The following ANO3 variants were observed in gnomAD, a reference collection of about 807,000 sequenced individuals.
ANO3 encodes the protein anoctamin 3, also known as anoctamin-3.
In ANO3, 99 loss-of-function variants were observed where a neutral mutation model predicts 144.8. That is an observed-to-expected ratio of 0.68 (90% CI 0.58 to 0.81). The LOEUF (loss-of-function observed/expected upper bound fraction) is 0.81. ANO3 is among the 30% of genes least tolerant of loss of function. The pLI is 0.00. For missense variants in ANO3, 905 were observed against 1,202.2 expected, an observed-to-expected ratio of 0.75 and a Z score of 3.66; for synonymous variants, 414 against 392.6, an observed-to-expected ratio of 1.05 and a Z score of -0.64.
intron 1 of ANO3, among the ~76,000 whole-genome samples, chr11:26,326,432 C>T (rs778355759): frequency 7.2e-5 from 11 of 152,142 alleles, no homozygotes; most frequent in Non-Finnish European, 1.0e-4. Flanking sequence ...TATCTATGCA[C>T]GTACTTTTTT....
At chr11:26,329,327 CAGAGAGAG>C (rs10573538), upstream of ANO3, among the ~76,000 whole-genome samples, 585 of 110,434 alleles carry the variant, frequency 5.3e-3, 3 homozygotes, top group African/African-American at 0.018. Context: ...CACACACACA[CAGAGAGAG>C]AGAGAGAGAG....
intron 1 of ANO3, among the ~76,000 whole-genome samples, chr11:26,272,499 A>G (rs1364128270): frequency 6.6e-6 from 1 of 152,124 alleles, no homozygotes; most frequent in Non-Finnish European, 1.5e-5. Context: ...ATACCTATAG[A>G]CTCTAATATG....
upstream of ANO3, among the ~76,000 whole-genome samples, chr11:26,307,022 C>T (rs1244180845): frequency 1.3e-5 from 2 of 152,010 alleles, no homozygotes; most frequent in Non-Finnish European, 2.9e-5. Context: ...CAATCTTCTA[C>T]ACATAAATGT....
chr11:26,269,609 T>C (rs66466372), intron 1 of ANO3, among the ~76,000 whole-genome samples: 6,725 of 152,254 alleles, frequency 0.044, 192 homozygotes, highest in African/African-American at 0.082. Flanking sequence ...GGACCTGCTG[T>C]CTTAATTGGC....
At chr11:26,218,158 T>G (rs1450743169) in intron 1 of ANO3, among the ~76,000 whole-genome samples, 1 of 152,120 alleles carries the variant, frequency 6.6e-6, no homozygotes, top group Non-Finnish European at 1.5e-5. Flanking sequence ...GAAATACAGT[T>G]TATGAAGTTG....
intron 1 of ANO3, among the ~76,000 whole-genome samples, chr11:26,288,401 G>A (rs547138701): frequency 6.6e-6 from 1 of 152,272 alleles, no homozygotes; most frequent in African/African-American, 2.4e-5. Context: ...CCTTGTTGTT[G>A]TTGTTTTAAG....
At chr11:26,319,132 A>G (rs911369073) in intron 1 of ANO3, among the ~76,000 whole-genome samples, 2 of 142,726 alleles carry the variant, frequency 1.4e-5, no homozygotes, top group Non-Finnish European at 3.0e-5. Flanking sequence ...GTGTGCCACT[A>G]CTTCCAGATA....
chr11:26,243,150 C>G (rs1232552794), intron 1 of ANO3, among the ~76,000 whole-genome samples: 1 of 152,028 alleles, frequency 6.6e-6, no homozygotes, highest in Non-Finnish European at 1.5e-5. Context: ...AGGGATATGG[C>G]CAGTGAAATC....
At chr11:26,323,952 C>T (rs1490165429) in intron 1 of ANO3, among the ~76,000 whole-genome samples, 1 of 152,194 alleles carries the variant, frequency 6.6e-6, no homozygotes, top group South Asian at 2.1e-4. Context: ...GCTGTGAAAA[C>T]CAGCTGCCTA....
chr11:26,659,414 C>G (rs924169429), intron 26 of ANO3, among the ~76,000 whole-genome samples: 11 of 151,714 alleles, frequency 7.3e-5, no homozygotes, highest in African/African-American at 2.7e-4. Context: ...AAAATATCGG[C>G]CAGGAGCAGT....
intron 1 of ANO3, among the ~76,000 whole-genome samples, chr11:26,438,592 C>CAAAAAAAAAAA (rs1227963923): frequency 5.1e-4 from 36 of 70,240 alleles, no homozygotes; most frequent in East Asian, 1.4e-3. Context: ...ACTAAAAATA[C>CAAAAAAAAAAA]AAAAAAAAAA....
At chr11:26,602,588 C>T (rs200761282) in intron 17 of ANO3, among the ~76,000 whole-genome samples, 4 of 138,886 alleles carry the variant, frequency 2.9e-5, no homozygotes, top group Admixed American at 7.2e-5. Context: ...CTTTTCTTTT[C>T]TTTTTTTTTT....
chr11:26,225,008 T>C lies in ANO3; in HGVS notation c.154+35678T>C, dbSNP rs1028924234. Among the ~76,000 whole-genome samples the C allele has an allele frequency of 3.9e-5, 6 of 152,196 alleles. No individual in the cohort carries two copies. The South Asian group carries it at 6.2e-4, about 16-fold the overall frequency. ...ATAAAATGGCATGTACTCTGTATAGTAACAATTTTTAAATATTCATTTATT... is the reference window on the plus strand; with the variant it reads ...ATAAAATGGCATGTACTCTGTATAGCAACAATTTTTAAATATTCATTTATT... On this transcript the variant is annotated intron_variant, in intron 1 of 27. Coordinates refer to the ANO3 transcript ENST00000672621.
rs77139575 is a variant in ANO3, at chr11:26,382,979, A to G, written c.46+50658A>G. 9.2e-3 allele frequency among the ~76,000 whole-genome samples: 1,402 copies of G among 152,200 alleles called. 26 individuals carry two copies. The highest frequency in any genetic ancestry group is 0.032 in the African/African-American group (1,339 of 41,514). ...CTGAGTGGAATATACTTGACTTGAG[A>G]TTTGTGTAAATTCTATTAACATTGT... On this transcript the variant is annotated intron_variant, in intron 1 of 26. Transcript: ENST00000256737.
chr11:26,419,450 A>G (rs879280506), intron 1 of ANO3, among the ~76,000 whole-genome samples: 5 of 152,098 alleles, frequency 3.3e-5, no homozygotes, highest in Non-Finnish European at 7.4e-5. Flanking sequence ...GTCTAAAAAG[A>G]ATGCCTACCA....
At position 26,542,027 on chromosome 11, in the gene ANO3, C is replaced by A. The variant is rs1590492795; in HGVS notation, c.1113C>A (p.Arg371=). Residue 371 remains arginine (R), a synonymous_variant, in exon 11 of 27, where the codon CGC becomes CGA. Coordinates refer to ENST00000256737, the MANE Select transcript of ANO3 (RefSeq NM_031418.4). The part of the protein sequence containing the change: ...NRHLLYERWA[R]WGMWYKHQPL... ...ATCTATTATATGAGCGCTGGGCACG[C>A]TGGGGAATGTGGTATAAGCATCAGC... The A allele has an allele frequency of 1.2e-5, 19 of 1,612,720 alleles. No individual in the cohort carries two copies. The East Asian group carries it at 4.2e-4, about 36-fold the overall frequency.
intron 20 of ANO3, among the ~76,000 whole-genome samples, chr11:26,636,209 GA>G (rs1852954132): frequency 6.6e-6 from 1 of 151,808 alleles, no homozygotes; most frequent in African/African-American, 2.4e-5. Flanking sequence ...CTAAACAACA[GA>G]AAAAATAAAG....
chr11:26,369,833 A>T (rs1856199393), intron 1 of ANO3, among the ~76,000 whole-genome samples: 1 of 152,144 alleles, frequency 6.6e-6, no homozygotes, highest in South Asian at 2.1e-4. Flanking sequence ...ACACTGAATC[A>T]TCATGTGGGA....
chr11:26,592,875 G>A (rs1289755912), intron 14 of ANO3, among the ~76,000 whole-genome samples: 1 of 152,026 alleles, frequency 6.6e-6, no homozygotes, highest in Non-Finnish European at 1.5e-5. Context: ...AGGAAACTAT[G>A]TCCTCTCGTG....
Sources: allele counts gnomAD v4.1 joint callset (sites outside exome capture counted in the v4.1 genomes callset), GRCh38; gene constraint gnomAD v4.1.1; transcripts MANE v1.5; gene names NCBI Gene and HGNC (gene_info 2026-07-23, HGNC 2026-07-21).